Variants in PLD5 observed in about 807,000 individuals in gnomAD.
PLD5 encodes phospholipase D family member 5, also known as inactive phospholipase D5.
Under a neutral mutation model 61.1 loss-of-function variants are expected in PLD5, and 36 were observed. The observed-to-expected ratio is 0.59, with a 90% confidence interval of 0.45 to 0.78. PLD5 has a LOEUF of 0.78. Among genes scored for constraint, PLD5 ranks in the 30% least tolerant of loss-of-function variants. The pLI, the probability that PLD5 is intolerant of heterozygous loss-of-function variation, is 0.00. For missense variants in PLD5, 515 were observed against 644.4 expected (o/e 0.80, Z 2.17); for synonymous variants, 243 against 242.8 (o/e 1.00, Z -0.01).
At chr1:242,320,434 G>C (rs1375059249) in intron 2 of PLD5, among the ~76,000 whole-genome samples, 2 of 152,194 alleles carry the variant, frequency 1.3e-5, no homozygotes, top group Admixed American at 6.5e-5. Context: ...TTCAGGAAAG[G>C]GGGTGCTGAA....
At chr1:242,188,126 G>A (rs114271204) in intron 5 of PLD5, among the ~76,000 whole-genome samples, 294 of 152,254 alleles carry the variant, frequency 1.9e-3, no homozygotes, top group African/African-American at 6.9e-3. Context: ...AGTGGAAAGA[G>A]GACTAGAATT....
intron 5 of PLD5, among the ~76,000 whole-genome samples, chr1:242,192,959 C>T (rs1426326227): frequency 1.3e-5 from 2 of 151,840 alleles, no homozygotes; most frequent in East Asian, 1.9e-4. Context: ...TCTGCCCCCA[C>T]CCCAATACCC....
intron 2 of PLD5, 102 bp from the exon 3 acceptor site, chr1:242,288,632 C>T (rs1675170701): frequency 5.5e-6 from 8 of 1,445,144 alleles, no homozygotes; most frequent in South Asian, 4.6e-5. Flanking sequence ...ATATTCTTTA[C>T]TCATTCTGAA....
intron 5 of PLD5, among the ~76,000 whole-genome samples, chr1:242,150,734 G>A (rs887390458): frequency 5.3e-5 from 8 of 151,578 alleles, no homozygotes; most frequent in Non-Finnish European, 1.0e-4. Context: ...GTTGGGCCTC[G>A]CTTTTTTATC....
At chr1:242,397,273 A>G (rs1358985364) in intron 1 of PLD5, among the ~76,000 whole-genome samples, 1 of 151,686 alleles carries the variant, frequency 6.6e-6, no homozygotes, top group Admixed American at 6.6e-5. Flanking sequence ...TCTTCCTCCC[A>G]TAGGCTTCTT....
intron 1 of PLD5, among the ~76,000 whole-genome samples, chr1:242,488,769 A>G (rs1316519799): frequency 2.0e-5 from 3 of 152,188 alleles, no homozygotes; most frequent in Admixed American, 2.0e-4. Context: ...TGGCTCTTCA[A>G]TTACAACATT....
chr1:242,369,961 G>C (rs1661543768), intron 1 of PLD5, among the ~76,000 whole-genome samples: 1 of 152,144 alleles, frequency 6.6e-6, no homozygotes, highest in Non-Finnish European at 1.5e-5. Flanking sequence ...AGAATACCCA[G>C]AGATCATCTA....
intron 5 of PLD5, among the ~76,000 whole-genome samples, chr1:242,198,676 C>T (rs1048152208): frequency 7.5e-5 from 10 of 132,650 alleles, no homozygotes; most frequent in Admixed American, 7.2e-4. Context: ...TGTCAAGTTA[C>T]CACTGGATTC....
At chr1:242,185,966 T>A (rs961482108) in intron 5 of PLD5, among the ~76,000 whole-genome samples, 5 of 152,076 alleles carry the variant, frequency 3.3e-5, no homozygotes, top group Non-Finnish European at 7.4e-5. Context: ...CAGAAATAGG[T>A]GCTTGGCAAC....
At chr1:242,451,622 G>T (rs910811577) in intron 1 of PLD5, among the ~76,000 whole-genome samples, 1 of 151,710 alleles carries the variant, frequency 6.6e-6, no homozygotes, top group African/African-American at 2.4e-5. Context: ...GCCATGCCTG[G>T]CTAATTTTTT....
chr1:242,516,277 TATAC>T (rs1200472595), intron 1 of PLD5, among the ~76,000 whole-genome samples: 6 of 64,432 alleles, frequency 9.3e-5, no homozygotes, highest in Non-Finnish European at 1.8e-4. Flanking sequence ...TATATATATA[TATAC>T]ATATTCTTCT....
intron 4 of PLD5, among the ~76,000 whole-genome samples, chr1:242,259,105 G>T (rs907309514): frequency 3.3e-5 from 5 of 152,108 alleles, no homozygotes; most frequent in Non-Finnish European, 7.3e-5. Context: ...GATCAACCAG[G>T]GTAAAGAGAT....
At chr1:242,194,971 A>C (rs1382362728) in intron 5 of PLD5, among the ~76,000 whole-genome samples, 3 of 152,156 alleles carry the variant, frequency 2.0e-5, no homozygotes, top group Non-Finnish European at 4.4e-5. Context: ...ACGAATCATC[A>C]CTAAAGAATT....
chr1:242,223,648 A>G, intron 4 of PLD5, among the ~76,000 whole-genome samples: 1 of 152,198 alleles, frequency 6.6e-6, no homozygotes, highest in African/African-American at 2.4e-5. Context: ...ATTTTAGGAC[A>G]CGATAAATTC....
intron 1 of PLD5, among the ~76,000 whole-genome samples, chr1:242,482,315 G>T (rs1233233004): frequency 6.6e-6 from 1 of 152,088 alleles, no homozygotes. Context: ...CTTGAAAAAA[G>T]ATTAGATGAA....
At chr1:242,379,571 G>A (rs10926708) in intron 1 of PLD5, among the ~76,000 whole-genome samples, 31,606 of 151,858 alleles carry the variant, frequency 0.21, 4,324 homozygotes, top group African/African-American at 0.39. Flanking sequence ...GCATACAATC[G>A]ACAGTAGTTA....
intron 5 of PLD5, among the ~76,000 whole-genome samples, chr1:242,158,311 G>T (rs896547082): frequency 1.8e-4 from 27 of 152,228 alleles, no homozygotes; most frequent in African/African-American, 6.0e-4. Flanking sequence ...CTTTCCAGGG[G>T]AGTCAAGAGT....
In PLD5 at chr1:242,522,576, A is replaced by G. The variant is rs75094601; in HGVS notation, c.189+1512T>C. Among the ~76,000 whole-genome samples the G allele has an allele frequency of 5.9e-3, 903 of 152,382 alleles. 12 individuals carry two copies. Among genetic ancestry groups the G allele is most frequent in the African/African-American group, 0.02 (847 of 41,590 alleles). ...GAACATACATTCAGAGTGAAACTAA[A>G]ACGAAGATACGTTCTATCACCCTCC... On this transcript the variant is annotated intron_variant, in intron 1 of 9. Transcript: ENST00000536534.
At chr1:242,229,671 ATT>A (rs1056765400) in intron 4 of PLD5, among the ~76,000 whole-genome samples, 1 of 151,738 alleles carries the variant, frequency 6.6e-6, no homozygotes, top group African/African-American at 2.4e-5. Flanking sequence ...TTTTATTTTC[ATT>A]TGTTTGCTGC....
Sources: gnomAD v4.1 joint callset for allele counts (sites outside exome capture counted in the v4.1 genomes callset) on GRCh38, gnomAD v4.1.1 for gene constraint, MANE v1.5 for transcripts, NCBI Gene and HGNC (gene_info 2026-07-23, HGNC 2026-07-21) for gene names.